The following MTUS2 variants were observed in gnomAD, a reference collection of about 807,000 sequenced individuals.
MTUS2 encodes the protein microtubule associated scaffold protein 2.
A neutral mutation model predicts 114.1 loss-of-function variants in MTUS2; 40 were observed. The ratio of observed to expected loss-of-function variants is 0.35; its 90% CI spans 0.27 to 0.46. The LOEUF (loss-of-function observed/expected upper bound fraction) is 0.46, where lower values mean the gene tolerates loss of function less well. Ranked by LOEUF, MTUS2 falls within the 20% of genes least tolerant of loss-of-function variation. The pLI, the probability that MTUS2 is intolerant of heterozygous loss-of-function variation, is 1.00. For missense variants in MTUS2, 1,679 were observed against 1,705.4 expected (o/e 0.98, Z 0.27); for synonymous variants, 688 against 672.0 (o/e 1.02, Z -0.37).
At position 29,503,059 on chromosome 13, in the gene MTUS2, A is replaced by ATTG. The variant is rs1371460266; in HGVS notation, c.3964_3966dup (p.Leu1322dup). ...AGAAGGAAACCCAGGAGAAGAAGAG[A>ATTG]TTGAGCCGAACCAATGAAGAGCTGC... On this transcript the variant is annotated inframe_insertion, in exon 16 of 16. Transcript: ENST00000612955. 6.2e-7 allele frequency: 1 copy of ATTG among 1,614,204 alleles called. No homozygotes were observed. Among genetic ancestry groups the ATTG allele is most frequent in the Admixed American group, 1.7e-5 (1 of 60,032 alleles).
Position 29,480,307 on chromosome 13 carries a change from C to A in MTUS2, c.3342C>A (p.Arg1114=). Residue 1114 remains arginine (R), a synonymous_variant, in exon 10 of 16, where the codon CGC becomes CGA. Coordinates refer to ENST00000612955, the MANE Select transcript of MTUS2 (RefSeq NM_001033602.4). This position sits in a 1 kb window ranked among gnomAD's most constrained non-coding sequence, Gnocchi z 4.4. ...TGCAATTCGAGGCGGAAATGGCGCG[C>A]CTGCAGGAGGAGCACGGTGACCAGC... ...LQLQFEAEMA[R]LQEEHGDQLL... is the part of the protein sequence containing the mutation. 1 of 1,556,338 alleles carries A rather than the reference C, an allele frequency of 6.4e-7. No individual in the cohort carries two copies. Among genetic ancestry groups the A allele is most frequent in the Non-Finnish European group, 8.7e-7 (1 of 1,150,330 alleles).
At chr13:29,119,742 T>C (rs1281680002) in intron 5 of MTUS2, among the ~76,000 whole-genome samples, 1 of 152,148 alleles carries the variant, frequency 6.6e-6, no homozygotes, top group Non-Finnish European at 1.5e-5. Flanking sequence ...CCTTAAAGGA[T>C]TGGATGGTGC....
chr13:29,219,196 T>C (rs370817305), intron 5 of MTUS2, among the ~76,000 whole-genome samples: 2,570 of 144,474 alleles, frequency 0.018, 72 homozygotes, highest in African/African-American at 0.064. Context: ...TTGTTCAATT[T>C]CCACCTATGA....
In MTUS2 at chr13:29,026,161, A is replaced by C; in HGVS notation, c.1463A>C (p.Asp488Ala). Reference protein sequence around the residue: ...ENKTEVPEPLDPQSGRSEARE... With the variant: ...ENKTEVPEPLAPQSGRSEARE... ...AAGACGGAGGTGCCTGAGCCCCTGG[A>C]CCCTCAAAGTGGCCGCTCAGAAGCA... Residue 488 changes from aspartate (D) to alanine (A), a missense_variant, in exon 3 of 16, where the codon GAC becomes GCC. Asp to Ala is a moderately radical substitution (Grantham distance 126). Transcript: ENST00000612955. 6.2e-7 allele frequency: 1 copy of C among 1,613,966 alleles called. No individual in the cohort carries two copies. Among genetic ancestry groups the C allele is most frequent in the East Asian group, 2.2e-5 (1 of 44,886 alleles).
At chr13:29,192,339 A>C (rs1186072063) in intron 5 of MTUS2, among the ~76,000 whole-genome samples, 1 of 152,230 alleles carries the variant, frequency 6.6e-6, no homozygotes, top group African/African-American at 2.4e-5. Context: ...GTGGAAACTA[A>C]AGAAAAGTTG....
intron 2 of MTUS2, among the ~76,000 whole-genome samples, chr13:28,856,693 A>C (rs1876650602): frequency 1.3e-5 from 2 of 152,194 alleles, no homozygotes; most frequent in South Asian, 4.1e-4. Flanking sequence ...CAAGTTGTGC[A>C]TTTACGGCTG....
At chr13:29,386,239 C>T (rs1872623140) in intron 8 of MTUS2, among the ~76,000 whole-genome samples, 1 of 152,116 alleles carries the variant, frequency 6.6e-6, no homozygotes, top group Admixed American at 6.5e-5. Context: ...TGATCAACAT[C>T]AAGACTTTTG....
Position 29,259,046 on chromosome 13 carries a change from ATACTTT to A in MTUS2, c.2645-22652_2645-22647del, listed in dbSNP as rs1217246143. 3.9e-5 allele frequency among the ~76,000 whole-genome samples: 6 copies of A among 152,386 alleles called. No homozygotes were observed. The East Asian group carries it at 1.2e-3, about 29-fold the overall frequency. ...GAGTTCTAAGTTCTATGAATAATAG[ATACTTT>A]TACTTATTTTCCACTTACAAACATT... On this transcript the variant is annotated intron_variant, in intron 5 of 15. Transcript: ENST00000612955.
intron 15 of MTUS2, among the ~76,000 whole-genome samples, chr13:29,502,767 G>A (rs1173500277): frequency 6.6e-6 from 1 of 152,226 alleles, no homozygotes; most frequent in Non-Finnish European, 1.5e-5. Flanking sequence ...CGGGCAGAGG[G>A]CCTGTGGGAT....
intron 2 of MTUS2, among the ~76,000 whole-genome samples, chr13:28,891,880 AAAG>A (rs1391874377): frequency 1.3e-5 from 2 of 150,768 alleles, no homozygotes; most frequent in Non-Finnish European, 3.0e-5. Flanking sequence ...AAAAAAAAAA[AAAG>A]AATAACAACA....
intron 6 of MTUS2, among the ~76,000 whole-genome samples, chr13:29,314,378 A>G (rs1174159310): frequency 2.0e-5 from 3 of 152,226 alleles, no homozygotes; most frequent in Non-Finnish European, 2.9e-5. Context: ...TATTAAACCC[A>G]GGGAAAACAA....
chr13:29,402,367 G>C lies in MTUS2; in HGVS notation c.3118-37616G>C, dbSNP rs112049200. ...AGGGACTTGGTTTTTCAGATGTAGA[G>C]TGTCAGCAGATGGTAGTAGAGCCAG... On this transcript the variant is annotated intron_variant, in intron 8 of 15. Coordinates refer to ENST00000612955, the MANE Select transcript of MTUS2 (RefSeq NM_001033602.4). 9.2e-3 allele frequency among the ~76,000 whole-genome samples: 1,403 copies of C among 152,288 alleles called. 19 individuals carry two copies. The highest frequency in any genetic ancestry group is 0.032 in the African/African-American group (1,320 of 41,546).
At chr13:28,852,584 G>C (rs1041594897) in intron 2 of MTUS2, among the ~76,000 whole-genome samples, 1 of 152,112 alleles carries the variant, frequency 6.6e-6, no homozygotes, top group Non-Finnish European at 1.5e-5. Flanking sequence ...TTGGAAAAAG[G>C]CTGGGCACAA....
At chr13:29,376,330 G>T (rs1354155360) in intron 8 of MTUS2, among the ~76,000 whole-genome samples, 1 of 152,066 alleles carries the variant, frequency 6.6e-6, no homozygotes, top group Non-Finnish European at 1.5e-5. Context: ...ATCCACTTGT[G>T]GTGGTTAGAT....
intron 4 of MTUS2, among the ~76,000 whole-genome samples, chr13:29,062,360 T>C (rs780740610): frequency 2.0e-5 from 3 of 152,238 alleles, no homozygotes; most frequent in Non-Finnish European, 4.4e-5. Flanking sequence ...CTCACCAGGT[T>C]AGGATTCTGT....
intron 2 of MTUS2, among the ~76,000 whole-genome samples, chr13:28,860,640 T>G (rs1391349422): frequency 6.6e-6 from 1 of 152,088 alleles, no homozygotes; most frequent in East Asian, 1.9e-4. Context: ...ATGTTTGGAG[T>G]CTGACTGACC....
Position 28,916,249 on chromosome 13 carries a change from C to G in MTUS2, c.-243+76399C>G, listed in dbSNP as rs1880739356. On this transcript the variant is annotated intron_variant, in intron 2 of 15. Coordinates refer to ENST00000612955, the MANE Select transcript of MTUS2 (RefSeq NM_001033602.4). ...GCAAAGTAACTCCTTCAGATTCATTCTTTTTGCTCAGGATAGCTTTGGCTA... is the reference window on the plus strand; with the variant it reads ...GCAAAGTAACTCCTTCAGATTCATTGTTTTTGCTCAGGATAGCTTTGGCTA... Among the ~76,000 whole-genome samples, 3 of 151,744 alleles carry G rather than the reference C, an allele frequency of 2.0e-5. No homozygotes were observed. In the South Asian group the frequency reaches 6.2e-4, roughly 31 times the overall value.
chr13:29,360,823 T>C (rs1381655884), intron 8 of MTUS2, among the ~76,000 whole-genome samples: 1 of 151,850 alleles, frequency 6.6e-6, no homozygotes, highest in East Asian at 1.9e-4. Context: ...GACTGTCAAG[T>C]TGTACCTAAA....
intron 6 of MTUS2, among the ~76,000 whole-genome samples, chr13:29,284,792 G>A (rs886616428): frequency 6.6e-6 from 1 of 152,126 alleles, no homozygotes; most frequent in South Asian, 2.1e-4. Context: ...GATAAAGTCA[G>A]AACTCATCTG....
Sources: gnomAD v4.1 joint callset for allele counts (sites outside exome capture counted in the v4.1 genomes callset) on GRCh38, gnomAD v4.1.1 for gene constraint, Gnocchi (gnomAD v3.1) non-coding constraint, MANE v1.5 for transcripts, NCBI Gene and HGNC (gene_info 2026-07-23, HGNC 2026-07-21) for gene names.